HMG20A: variants seen among roughly 807,000 people sequenced by gnomAD.
HMG20A encodes the protein high mobility group 20A, also known as high mobility group protein 20A.
In HMG20A, 17 loss-of-function variants were observed where a neutral mutation model predicts 43.9. The ratio of observed to expected loss-of-function variants is 0.39; its 90% CI spans 0.27 to 0.58. The LOEUF (loss-of-function observed/expected upper bound fraction) is 0.58. Ranked by LOEUF, HMG20A falls within the 20% of genes least tolerant of loss-of-function variation. The pLI is 0.59. For missense variants in HMG20A, 341 were observed against 438.2 expected, an observed-to-expected ratio of 0.78 and a Z score of 1.98; for synonymous variants, 132 against 147.5, an observed-to-expected ratio of 0.89 and a Z score of 0.76.
At chr15:77,505,046 G>A in the HMG20A span, among the ~76,000 whole-genome samples, 1 of 152,224 alleles carries the variant, frequency 6.6e-6, no homozygotes, top group Non-Finnish European at 1.5e-5. Context: ...CAGGGGATGT[G>A]AACACCTGTT....
intron 9 of HMG20A, among the ~76,000 whole-genome samples, chr15:77,479,922 C>T (rs1178494293): frequency 6.6e-6 from 1 of 152,198 alleles, no homozygotes; most frequent in Non-Finnish European, 1.5e-5. Context: ...CTCAATAACA[C>T]AGTGACTGTT....
intron 1 of HMG20A, 34 bp from the exon 2 acceptor site, chr15:77,458,370 C>A (rs755915777): frequency 7.4e-7 from 1 of 1,354,010 alleles, no homozygotes; most frequent in Non-Finnish European, 1.1e-6. Context: ...AGTAATTAAG[C>A]CATTAATTTT....
In HMG20A at chr15:77,420,932, G is replaced by C; in HGVS notation, c.-77G>C. 1 of 398,732 alleles carries C rather than the reference G, an allele frequency of 2.5e-6. No individual in the cohort carries two copies. Among genetic ancestry groups the C allele is most frequent in the Non-Finnish European group, 4.4e-6 (1 of 226,112 alleles). The allele number at this position is 398,732 out of a possible 1,614,324, so 24.7% of individuals were successfully genotyped here. A position where few individuals can be genotyped will look rare whatever the true frequency, so the allele number is the denominator to read the frequency against. The stretch of plus-strand genomic sequence containing the variant: ...CGTGAAGTGAAGGCGATTGAGAGGG[G>C]CTGAGGGAATTGTCCTCTGTGGAAG... On this transcript the variant is annotated 5_prime_UTR_variant, in exon 1 of 10. Transcript: ENST00000336216.
chr15:77,516,808 A>C, the HMG20A span, among the ~76,000 whole-genome samples: 38,304 of 152,032 alleles, frequency 0.25, 5,366 homozygotes, highest in Non-Finnish European at 0.32. Context: ...GCTAGAAGTG[A>C]GACACAGCCT....
At chr15:77,455,992 A>T (rs1009302080) in intron 1 of HMG20A, among the ~76,000 whole-genome samples, 1 of 151,980 alleles carries the variant, frequency 6.6e-6, no homozygotes, top group African/African-American at 2.4e-5. Context: ...TTAACCTTCC[A>T]CCCACTTTAT....
At chr15:77,458,555 C>T (rs2072677929) in intron 2 of HMG20A, 59 bp downstream of exon 2, 2 of 1,176,994 alleles carry the variant, frequency 1.7e-6, no homozygotes, top group Non-Finnish European at 2.5e-6. Context: ...AAGCTTCTAG[C>T]AAAGTAAGAG....
chr15:77,469,233 G>A (rs1052824917), intron 4 of HMG20A, among the ~76,000 whole-genome samples: 2 of 103,940 alleles, frequency 1.9e-5, no homozygotes, highest in African/African-American at 2.9e-5. Flanking sequence ...ATGGGGAGAC[G>A]ATTTAAGAAC....
In HMG20A at chr15:77,458,453, G is replaced by T. The variant is rs1399271636; in HGVS notation, c.46G>T (p.Asp16Tyr). ...CTCCACCCTACCGCCCCTTTTTGCA[G>T]ATGAAGACGGTTCCAAGGAGAGTAA... Reference protein sequence around the residue: ...TSSTLPPLFADEDGSKESNDL... With the variant: ...TSSTLPPLFAYEDGSKESNDL... Residue 16 changes from aspartate (D) to tyrosine (Y), a missense_variant, in exon 2 of 10, where the codon GAT (aspartate) becomes TAT (tyrosine). Around this residue, in one of 3 missense-constraint regions of HMG20A, gnomAD observed 220 missense variants for 263.6 expected, o/e 0.83. Coordinates refer to ENST00000336216, the MANE Select transcript of HMG20A (RefSeq NM_001304504.2). 1 of 1,613,414 alleles carries T rather than the reference G, an allele frequency of 6.2e-7. No homozygotes were observed. Among genetic ancestry groups the T allele is most frequent in the South Asian group, 1.1e-5 (1 of 91,060 alleles).
chr15:77,426,653 T>C (rs1179248858), intron 1 of HMG20A, among the ~76,000 whole-genome samples: 1 of 151,908 alleles, frequency 6.6e-6, no homozygotes, highest in African/African-American at 2.4e-5. Flanking sequence ...TGTTCAAGGG[T>C]CAACTGTACA....
chr15:77,463,059 A>C lies in HMG20A; in HGVS notation c.90-1181A>C, dbSNP rs1463648561. 2.0e-5 allele frequency among the ~76,000 whole-genome samples: 3 copies of C among 152,104 alleles called. No homozygotes were observed. In the East Asian group the frequency reaches 5.8e-4, roughly 29 times the overall value. On this transcript the variant is annotated intron_variant, in intron 2 of 9. Transcript: ENST00000336216. ...AGTGCTGGGATTACAGGCGTGAGGC[A>C]CCACACCTAGCCATTCTGCCTCTTA...
At chr15:77,504,743 T>C in the HMG20A span, among the ~76,000 whole-genome samples, 1 of 151,828 alleles carries the variant, frequency 6.6e-6, no homozygotes, top group South Asian at 2.1e-4. Context: ...TTGGGGGAAG[T>C]TGGCAGCAGA....
Position 77,470,939 on chromosome 15 carries a change from G to A in HMG20A, c.480G>A (p.Lys160=). The A allele has an allele frequency of 6.2e-7, 1 of 1,608,448 alleles. No individual in the cohort carries two copies. Among genetic ancestry groups the A allele is most frequent in the African/African-American group, 1.3e-5 (1 of 74,558 alleles). Residue 160 remains lysine (K), a synonymous_variant, in exon 5 of 10, where the codon AAG becomes AAA. Transcript: ENST00000336216. ...QRYLDEADRD[K]ERYMKELEQY... is the part of the protein sequence containing the mutation. ...ACCTTGATGAAGCAGACAGAGATAAGGAGCGTTACATGAAGGAACTGGAAC... is the reference window on the plus strand; with the variant it reads ...ACCTTGATGAAGCAGACAGAGATAAAGAGCGTTACATGAAGGAACTGGAAC...
In HMG20A at chr15:77,455,932, G is replaced by A. The variant is rs183145020; in HGVS notation, c.-4-2472G>A. The stretch of plus-strand genomic sequence containing the variant: ...TTACTGGACTAGTTTAGAGGCCTTT[G>A]GGTTTCACTGCACTTTTCTTCATTT... On this transcript the variant is annotated intron_variant, in intron 1 of 9. Transcript: ENST00000336216. Among the ~76,000 whole-genome samples, 9 of 152,198 alleles carry A rather than the reference G, an allele frequency of 5.9e-5. No individual in the cohort carries two copies. In the East Asian group the frequency reaches 1.7e-3, roughly 29 times the overall value.
intron 1 of HMG20A, among the ~76,000 whole-genome samples, chr15:77,455,858 T>G (rs947408012): frequency 9.2e-5 from 14 of 152,140 alleles, no homozygotes; most frequent in African/African-American, 3.4e-4. Context: ...ATGAAATGCA[T>G]TCTCCCAGGA....
chr15:77,481,829 A>C (rs1400044527), intron 9 of HMG20A, among the ~76,000 whole-genome samples: 1 of 152,146 alleles, frequency 6.6e-6, no homozygotes, highest in Non-Finnish European at 1.5e-5. Context: ...TGTGATTAAT[A>C]CTGGTTTGGC....
At chr15:77,435,984 T>G (rs138016563) in intron 1 of HMG20A, among the ~76,000 whole-genome samples, 2 of 152,302 alleles carry the variant, frequency 1.3e-5, no homozygotes, top group African/African-American at 4.8e-5. Context: ...TGAGGTTATA[T>G]CATACATTCA....
At chr15:77,516,289 T>C in the HMG20A span, among the ~76,000 whole-genome samples, 3 of 152,140 alleles carry the variant, frequency 2.0e-5, no homozygotes, top group Non-Finnish European at 4.4e-5. Context: ...TGTGAACTTT[T>C]GCCAGCTCAC....
chr15:77,504,343 G>C, the HMG20A span, among the ~76,000 whole-genome samples: 46 of 152,352 alleles, frequency 3.0e-4, no homozygotes, highest in Non-Finnish European at 5.7e-4. Flanking sequence ...AGTGGGATGA[G>C]GCTTGTAAGG....
the HMG20A span, among the ~76,000 whole-genome samples, chr15:77,493,650 T>A: frequency 6.6e-6 from 1 of 152,184 alleles, no homozygotes; most frequent in East Asian, 1.9e-4. Context: ...TATTATGGAC[T>A]AAGGGTGTAG....
Sources: allele counts gnomAD v4.1 joint callset (sites outside exome capture counted in the v4.1 genomes callset), GRCh38; gene constraint gnomAD v4.1.1; regional missense constraint gnomAD v4.1.1; transcripts MANE v1.5; gene names NCBI Gene and HGNC (gene_info 2026-07-23, HGNC 2026-07-21).